The following AFF2 variants were observed in gnomAD, a reference collection of about 807,000 sequenced individuals.
AFF2 encodes the protein AF4/FMR2 family member 2.
A neutral mutation model predicts 76.9 loss-of-function variants in AFF2; 14 were observed. The ratio of observed to expected loss-of-function variants is 0.18; its 90% CI spans 0.12 to 0.28. The LOEUF (loss-of-function observed/expected upper bound fraction) is 0.28, where lower values mean the gene tolerates loss of function less well. Among genes scored for constraint, AFF2 ranks in the 10% least tolerant of loss-of-function variants. AFF2 has a pLI of 1.00. For synonymous variants in AFF2, 398 were observed against 366.7 expected, an observed-to-expected ratio of 1.09 and a Z score of -0.98; for missense variants, 868 against 1,001.1, an observed-to-expected ratio of 0.87 and a Z score of 1.79.
rs1166713163 is a variant in AFF2 at position 148,992,932 on chromosome X, C to CAGAT, written c.*1602_*1605dup. The CAGAT allele has an allele frequency of 2.7e-5, 3 of 112,451 alleles. No homozygotes were observed. Among genetic ancestry groups the CAGAT allele is most frequent in the African/African-American group, 9.7e-5 (3 of 30,792 alleles). The allele number at this position is 112,451 out of a possible 1,213,427, so 9.3% of individuals were successfully genotyped here. A position where few individuals can be genotyped will look rare whatever the true frequency, so the allele number is the denominator to read the frequency against. On this transcript the variant is annotated 3_prime_UTR_variant, in exon 21 of 21. Coordinates refer to ENST00000370460, the MANE Select transcript of AFF2 (RefSeq NM_002025.4). ...CAAATTCTGTTCACTGAGTTATGACCAGATAAATAATAGATATGCACATGA... is the reference window on the plus strand; with the variant it reads ...CAAATTCTGTTCACTGAGTTATGACCAGATAGATAAATAATAGATATGCACATGA...
chrX:148,695,820 G>T (rs1557261220), intron 3 of AFF2, among the ~76,000 whole-genome samples: 1 of 111,873 alleles, frequency 8.9e-6, no homozygotes, highest in African/African-American at 3.3e-5. Flanking sequence ...ATTATTGTGG[G>T]TGATCTCTCA....
chrX:148,950,775 A>G (rs1158828236), intron 9 of AFF2, among the ~76,000 whole-genome samples: 1 of 111,930 alleles, frequency 8.9e-6, no homozygotes, highest in Non-Finnish European at 1.9e-5. Context: ...TTTTAATTTC[A>G]TGTCTTTCTT....
rs148419506 is a variant in AFF2 at position 148,939,754 on chromosome X, A to G, written c.1398-13826A>G. 3.6e-4 allele frequency among the ~76,000 whole-genome samples: 40 copies of G among 112,156 alleles called. 1 individual carries two copies. The East Asian group carries it at 0.011, about 31-fold the overall frequency. On this transcript the variant is annotated intron_variant, in intron 9 of 20. Coordinates refer to ENST00000370460, the MANE Select transcript of AFF2 (RefSeq NM_002025.4). Reference sequence around the variant, plus strand: ...TGATTCTACTTTCTTGGTATTAGCCATCTTGGATTTTAACCAACAGGTGTA... The same window carrying G: ...TGATTCTACTTTCTTGGTATTAGCCGTCTTGGATTTTAACCAACAGGTGTA...
intron 4 of AFF2, among the ~76,000 whole-genome samples, chrX:148,819,658 T>G (rs2124649024): frequency 8.9e-6 from 1 of 111,738 alleles, no homozygotes; most frequent in Admixed American, 9.5e-5. Flanking sequence ...AAAAATTTCT[T>G]AATTTTGATA....
intron 1 of AFF2, among the ~76,000 whole-genome samples, chrX:148,599,203 T>C (rs782605896): frequency 5.1e-4 from 57 of 112,746 alleles, no homozygotes; most frequent in Admixed American, 3.8e-3. Context: ...CATGCATGCA[T>C]TGAAAATTGA....
At position 148,999,309 on chromosome X, in the gene AFF2, A is replaced by G. The variant is rs1442395289; in HGVS notation, c.*7977A>G. ...TCCTAACATTCCCATTAGCCTGTAT[A>G]TAAGAATCAGAAAGATAATCCCAAC... On this transcript the variant is annotated 3_prime_UTR_variant, in exon 21 of 21. Transcript: ENST00000370460. 8.9e-6 allele frequency: 1 copy of G among 112,051 alleles called. No homozygotes were observed. The highest frequency in any genetic ancestry group is 3.7e-4 in the South Asian group (1 of 2,686). 9.2% of individuals were successfully genotyped at this position (112,051 alleles called of 1,213,427 possible). A position where few individuals can be genotyped will look rare whatever the true frequency, so the allele number is the denominator to read the frequency against.
rs142425815 is a variant in AFF2, at chrX:148,582,203, G to A, written c.48-69796G>A. ...ATTTTAGGAGGAACATTGTTGATTTGTCCCATTACTGGTGATGTTAACTTT... is the reference window on the plus strand; with the variant it reads ...ATTTTAGGAGGAACATTGTTGATTTATCCCATTACTGGTGATGTTAACTTT... On this transcript the variant is annotated intron_variant, in intron 1 of 20. Coordinates refer to ENST00000370460, the MANE Select transcript of AFF2 (RefSeq NM_002025.4). Among the ~76,000 whole-genome samples, 46 of 111,390 alleles carry A rather than the reference G, an allele frequency of 4.1e-4. 1 individual carries two copies. In the East Asian group the frequency reaches 0.012, roughly 30 times the overall value.
At chrX:148,700,803 C>G (rs142696299) in intron 3 of AFF2, among the ~76,000 whole-genome samples, 1,605 of 111,085 alleles carry the variant, frequency 0.014, 32 homozygotes, top group African/African-American at 0.047. Context: ...TGTTGCTATA[C>G]TCCTGAGAAT....
intron 9 of AFF2, among the ~76,000 whole-genome samples, chrX:148,923,880 C>G (rs1273782869): frequency 3.6e-5 from 4 of 111,135 alleles, no homozygotes; most frequent in African/African-American, 1.3e-4. Context: ...AGTGTCCAGG[C>G]CTTTGAAGAA....
At chrX:148,704,753 C>G (rs916828772) in intron 3 of AFF2, among the ~76,000 whole-genome samples, 13 of 107,950 alleles carry the variant, frequency 1.2e-4, no homozygotes, top group African/African-American at 4.4e-4. Flanking sequence ...TCTTGAACTC[C>G]TGACCTCAGG....
chrX:148,809,776 AG>A, intron 3 of AFF2, 99 bp from the exon 4 acceptor site: 1 of 836,900 alleles, frequency 1.2e-6, no homozygotes, highest in Non-Finnish European at 1.7e-6. Context: ...AAAAAATGAT[AG>A]CTAGATTTTC....
intron 9 of AFF2, among the ~76,000 whole-genome samples, chrX:148,939,385 A>G (rs2071808477): frequency 8.9e-6 from 1 of 111,759 alleles, no homozygotes; most frequent in South Asian, 3.8e-4. Flanking sequence ...GACCATTTCA[A>G]TTATTTCAGA....
chrX:148,936,054 C>T (rs1359576917), intron 9 of AFF2, among the ~76,000 whole-genome samples: 4 of 111,085 alleles, frequency 3.6e-5, no homozygotes, highest in Non-Finnish European at 7.5e-5. Context: ...GACTGGAAGT[C>T]TTCTTCGTGG....
Position 148,994,556 on chromosome X carries a change from A to T in AFF2, c.*3224A>T, listed in dbSNP as rs1422019152. On this transcript the variant is annotated 3_prime_UTR_variant, in exon 21 of 21. Transcript: ENST00000370460. ...TTAAGGTCGGGATGCCTTTTTTTCC[A>T]TGTAAGGAAATGAAAAGACCAAAAT... The T allele has an allele frequency of 8.9e-6, 1 of 111,996 alleles. No individual in the cohort carries two copies. The highest frequency in any genetic ancestry group is 1.9e-5 in the Non-Finnish European group (1 of 53,220). The allele number at this position is 111,996 out of a possible 1,213,427, so 9.2% of individuals were successfully genotyped here. A position where few individuals can be genotyped will look rare whatever the true frequency, so the allele number is the denominator to read the frequency against.
intron 3 of AFF2, among the ~76,000 whole-genome samples, chrX:148,694,287 G>A (rs1557261082): frequency 1.8e-5 from 2 of 110,422 alleles, no homozygotes; most frequent in Admixed American, 9.7e-5. Flanking sequence ...AGCACATTTT[G>A]CACATGTACC....
At chrX:148,646,497 A>G (rs1189709195) in intron 1 of AFF2, among the ~76,000 whole-genome samples, 5 of 111,711 alleles carry the variant, frequency 4.5e-5, no homozygotes, top group African/African-American at 9.8e-5. Flanking sequence ...GGTAGTCCCA[A>G]GATGCTCCTA....
At chrX:148,785,062 C>G (rs1394805220) in intron 3 of AFF2, among the ~76,000 whole-genome samples, 2 of 111,914 alleles carry the variant, frequency 1.8e-5, no homozygotes, top group African/African-American at 6.5e-5. Context: ...CCCCCCCTTC[C>G]CCCAAGGCAG....
intron 3 of AFF2, among the ~76,000 whole-genome samples, chrX:148,688,182 T>C (rs146670241): frequency 9.7e-4 from 108 of 111,487 alleles, no homozygotes; most frequent in African/African-American, 3.1e-3. Context: ...TTTTCTTACC[T>C]CTGGCCCCAC....
intron 9 of AFF2, among the ~76,000 whole-genome samples, chrX:148,918,206 A>G (rs782199457): frequency 8.9e-5 from 10 of 112,542 alleles, no homozygotes; most frequent in Non-Finnish European, 1.9e-4. Flanking sequence ...ACAGGGTAGA[A>G]TAACTAGACA....
Sources: gnomAD v4.1 joint callset for allele counts (sites outside exome capture counted in the v4.1 genomes callset) on GRCh38, gnomAD v4.1.1 for gene constraint, MANE v1.5 for transcripts, NCBI Gene and HGNC (gene_info 2026-07-23, HGNC 2026-07-21) for gene names.